SMIM21: variants seen among roughly 807,000 people sequenced by gnomAD.
The protein encoded by SMIM21 is chromosome 18 open reading frame 62.
A neutral mutation model predicts 8.6 loss-of-function variants in SMIM21; 8 were observed. The observed-to-expected ratio is 0.93, with a 90% CI of 0.55 to 1.68. The LOEUF is 1.68. Ranked by LOEUF, SMIM21 falls within the 40% of genes most tolerant of loss-of-function variation. The pLI is 0.00. For missense variants in SMIM21, 132 were observed against 123.0 expected, an observed-to-expected ratio of 1.07 and a Z score of -0.35; for synonymous variants, 43 against 41.7, an observed-to-expected ratio of 1.03 and a Z score of -0.12.
rs1006781024 is a variant in SMIM21 at position 75,427,695 on chromosome 18, C to G, written c.-132G>C. 3.3e-6 allele frequency: 3 copies of G among 900,472 alleles called. No individual in the cohort carries two copies. Among genetic ancestry groups the G allele is most frequent in the Admixed American group, 3.0e-5 (1 of 33,322 alleles). 55.8% of individuals were successfully genotyped at this position (900,472 alleles called of 1,614,324 possible). A position where few individuals can be genotyped will look rare whatever the true frequency, so the allele number is the denominator to read the frequency against. ...TCTCTTCTTTGCCAACCTTGAAGATCTGGGTATTATTTTATGAAGCTGGAT... is the reference window on the plus strand; with the variant it reads ...TCTCTTCTTTGCCAACCTTGAAGATGTGGGTATTATTTTATGAAGCTGGAT... On this transcript the variant is annotated 5_prime_UTR_variant, in exon 1 of 3. Coordinates refer to ENST00000579022, the MANE Select transcript of SMIM21 (RefSeq NM_001037331.3).
At chr18:75,418,599 T>A (rs1201247092) in intron 2 of SMIM21, among the ~76,000 whole-genome samples, 187 bp downstream of exon 2, 1 of 152,234 alleles carries the variant, frequency 6.6e-6, no homozygotes, top group Non-Finnish European at 1.5e-5. Context: ...GATATTAATT[T>A]CATCTGGCCT....
chr18:75,416,189 C>T (rs758741478), intron 2 of SMIM21: 15 of 152,176 alleles, frequency 9.9e-5, no homozygotes, highest in Non-Finnish European at 1.6e-4. Flanking sequence ...TTCACAGCCT[C>T]GACAGCAATC....
At chr18:75,410,946 T>G (rs200982937) in intron 2 of SMIM21, 37 bp from the exon 3 acceptor site, 3 of 1,609,972 alleles carry the variant, frequency 1.9e-6, no homozygotes, top group Non-Finnish European at 1.7e-6. Flanking sequence ...CATTTTATTT[T>G]TTTGATAGAT....
chr18:75,410,653 T>C lies in SMIM21; in HGVS notation c.*211A>G. ...CTGCAGCTCTCCTCCGGAATATTCC[T>C]GAACAGAAAAAGGAAGAGTGCCCCT... On this transcript the variant is annotated 3_prime_UTR_variant, in exon 3 of 3. Coordinates refer to ENST00000579022, the MANE Select transcript of SMIM21 (RefSeq NM_001037331.3). The C allele has an allele frequency of 7.4e-7, 1 of 1,344,852 alleles. No individual in the cohort carries two copies. 83.3% of individuals were successfully genotyped at this position (1,344,852 alleles called of 1,614,324 possible).
chr18:75,411,242 C>T (rs1188882253), intron 2 of SMIM21, among the ~76,000 whole-genome samples: 1 of 152,292 alleles, frequency 6.6e-6, no homozygotes, highest in Non-Finnish European at 1.5e-5. Flanking sequence ...AGATAGAAGT[C>T]GAGTATATGC....
In SMIM21 at chr18:75,418,821, A is replaced by C. The variant is rs1311409882; in HGVS notation, c.225T>G (p.Ser75=). 3 of 1,612,662 alleles carry C rather than the reference A, an allele frequency of 1.9e-6. No individual in the cohort carries two copies. The highest frequency in any genetic ancestry group is 2.5e-6 in the Non-Finnish European group (3 of 1,179,108). The part of the protein sequence containing the change: ...LRNHSRIQGV[S]EDWKRANSIF... The stretch of plus-strand genomic sequence containing the variant: ...TGCTGTTGGCCCTTTTCCAGTCTTC[A>C]GAAACCCCTTGTATCCTGCTATGAT... The change falls in exon 2 of 3, where the codon TCT becomes TCG. Residue 75 remains serine (S), a synonymous_variant. Transcript: ENST00000579022.
intron 1 of SMIM21, among the ~76,000 whole-genome samples, chr18:75,423,165 C>A (rs2024727408): frequency 6.6e-6 from 1 of 152,130 alleles, no homozygotes; most frequent in South Asian, 2.1e-4. Flanking sequence ...AATCTTTTTT[C>A]CTACAGGACT....
intron 2 of SMIM21, among the ~76,000 whole-genome samples, chr18:75,413,807 G>A (rs1011939375): frequency 1.3e-5 from 2 of 152,080 alleles, no homozygotes; most frequent in Non-Finnish European, 2.9e-5. Flanking sequence ...TCTCATGAGT[G>A]CAAACACCTT....
At position 75,427,416 on chromosome 18, in the gene SMIM21, T is replaced by G. The variant is rs1214955282; in HGVS notation, c.129+19A>C. 2 of 1,611,664 alleles carry G rather than the reference T, an allele frequency of 1.2e-6. No homozygotes were observed. The highest frequency in any genetic ancestry group is 2.2e-5 in the South Asian group (2 of 90,546). On this transcript the variant is annotated intron_variant, in intron 1 of 2. Coordinates refer to ENST00000579022, the MANE Select transcript of SMIM21 (RefSeq NM_001037331.3). ...ATACGTCTCTCTCATAACCCAAAGT[T>G]AAAGACCCATAAACTCACTGTGGTA...
chr18:75,415,923 CTT>C (rs1332205619), intron 2 of SMIM21: 1 of 152,174 alleles, frequency 6.6e-6, no homozygotes, highest in African/African-American at 2.4e-5. Context: ...ATTTTATGAA[CTT>C]ATCATAATTC....
chr18:75,418,710 C>A, intron 2 of SMIM21, 76 bp downstream of exon 2: 5 of 1,337,222 alleles, frequency 3.7e-6, no homozygotes, highest in Non-Finnish European at 5.0e-6. Context: ...TTTTTTTTAA[C>A]TGCTAAGGTT....
At chr18:75,415,179 A>T (rs1339957957) in intron 2 of SMIM21, among the ~76,000 whole-genome samples, 1 of 152,190 alleles carries the variant, frequency 6.6e-6, no homozygotes, top group Admixed American at 6.5e-5. Flanking sequence ...GAATCTGGGC[A>T]TACTTTCCCA....
chr18:75,415,607 C>A (rs919846484), intron 2 of SMIM21, among the ~76,000 whole-genome samples: 1 of 152,232 alleles, frequency 6.6e-6, no homozygotes, highest in Admixed American at 6.5e-5. Context: ...ACTCAGAGAT[C>A]ACCACCACTA....
chr18:75,416,840 T>C (rs2024651111), intron 2 of SMIM21: 3 of 152,324 alleles, frequency 2.0e-5, no homozygotes, highest in East Asian at 3.9e-4. Context: ...TGGATTTGTC[T>C]GGTGCCGAAC....
chr18:75,415,063 C>G (rs937184022), intron 2 of SMIM21, among the ~76,000 whole-genome samples: 2 of 152,174 alleles, frequency 1.3e-5, no homozygotes, highest in African/African-American at 4.8e-5. Flanking sequence ...AATACTCCCT[C>G]TTCTGTTAGT....
intron 2 of SMIM21, chr18:75,417,852 G>C (rs1209316305): frequency 9.4e-6 from 2 of 211,952 alleles, no homozygotes; most frequent in Non-Finnish European, 1.9e-5. Context: ...TAGATGACTT[G>C]TGGAGAAACA....
rs2024780150 is a variant in SMIM21 at position 75,427,676 on chromosome 18, C to A, written c.-113G>T. 4 of 1,123,770 alleles carry A rather than the reference C, an allele frequency of 3.6e-6. No homozygotes were observed. The highest frequency in any genetic ancestry group is 4.8e-6 in the Non-Finnish European group (4 of 834,580). The allele number at this position is 1,123,770 out of a possible 1,614,324, so 69.6% of individuals were successfully genotyped here. A position where few individuals can be genotyped will look rare whatever the true frequency, so the allele number is the denominator to read the frequency against. ...TAAGTTCCCAAGGAGCTTTTCTCTT[C>A]TTTGCCAACCTTGAAGATCTGGGTA... On this transcript the variant is annotated 5_prime_UTR_variant, in exon 1 of 3. Coordinates refer to ENST00000579022, the MANE Select transcript of SMIM21 (RefSeq NM_001037331.3).
chr18:75,414,075 T>TCACACACACACACATA (rs1242532140), intron 2 of SMIM21, among the ~76,000 whole-genome samples: 21 of 126,134 alleles, frequency 1.7e-4, no homozygotes, highest in East Asian at 1.3e-3. Context: ...TCTCTCTGTC[T>TCACACACACACACATA]CACACACACA....
At chr18:75,411,055 G>A in intron 2 of SMIM21, 146 bp from the exon 3 acceptor site, 1 of 1,216,516 alleles carries the variant, frequency 8.2e-7, no homozygotes, top group Non-Finnish European at 1.1e-6. Flanking sequence ...GTGTTTTGAG[G>A]CTGAGGATTA....
Sources: allele counts gnomAD v4.1 joint callset (sites outside exome capture counted in the v4.1 genomes callset), GRCh38; gene constraint gnomAD v4.1.1; transcripts MANE v1.5; gene names NCBI Gene and HGNC (gene_info 2026-07-23, HGNC 2026-07-21).